Variants in KAT6B observed in about 807,000 individuals in gnomAD.
KAT6B encodes the protein lysine acetyltransferase 6B.
KAT6B carries 10 observed loss-of-function variants against 187.5 expected under a neutral mutation model. The observed-to-expected ratio is 0.05, with a 90% CI of 0.03 to 0.09. KAT6B has a LOEUF of 0.09. Among genes scored for constraint, KAT6B ranks in the 10% least tolerant of loss-of-function variants. The probability of loss-of-function intolerance (pLI) is 1.00; values close to 1 mark genes in which losing one functional copy is unlikely to be tolerated. For synonymous variants in KAT6B, 861 were observed against 926.8 expected, an observed-to-expected ratio of 0.93 and a Z score of 1.29; for missense variants, 1,952 against 2,558.9, an observed-to-expected ratio of 0.76 and a Z score of 5.12.
intron 3 of KAT6B, among the ~76,000 whole-genome samples, chr10:74,928,897 T>G (rs529849168): frequency 2.0e-5 from 3 of 152,172 alleles, no homozygotes; most frequent in African/African-American, 7.2e-5. Context: ...CCAAGAACCT[T>G]TGTTTTCTCT....
chr10:74,880,764 C>T (rs189338191), intron 3 of KAT6B, among the ~76,000 whole-genome samples: 7 of 151,610 alleles, frequency 4.6e-5, no homozygotes, highest in Admixed American at 2.6e-4. Context: ...TACAGGCGCA[C>T]GCCACCATGC....
At chr10:74,847,329 A>G (rs1010494037) in intron 3 of KAT6B, among the ~76,000 whole-genome samples, 4 of 152,238 alleles carry the variant, frequency 2.6e-5, no homozygotes, top group Admixed American at 6.5e-5. Context: ...AAATCAGTTT[A>G]AACAAAGTTG....
At chr10:75,011,337 A>G (rs1226913985) in intron 13 of KAT6B, among the ~76,000 whole-genome samples, 2 of 152,218 alleles carry the variant, frequency 1.3e-5, no homozygotes, top group African/African-American at 4.8e-5. Context: ...TGAACTGTGG[A>G]AAACTTAAAA....
intron 3 of KAT6B, among the ~76,000 whole-genome samples, chr10:74,890,798 A>G (rs1845596486): frequency 6.6e-6 from 1 of 152,236 alleles, no homozygotes; most frequent in Non-Finnish European, 1.5e-5. Context: ...TTTTTAAAAT[A>G]CAGTCACTTT....
intron 15 of KAT6B, 105 bp from the exon 16 acceptor site, chr10:75,021,776 T>C: frequency 8.5e-7 from 1 of 1,175,298 alleles, no homozygotes; most frequent in South Asian, 1.3e-5. Flanking sequence ...GCTGGCTGGC[T>C]GTCCTGATCA....
At chr10:74,845,902 C>T (rs754136842) in intron 3 of KAT6B, among the ~76,000 whole-genome samples, 6 of 150,034 alleles carry the variant, frequency 4.0e-5, no homozygotes, top group Non-Finnish European at 7.4e-5. Context: ...ATGGGCTGAT[C>T]TAAAAGGCTG....
chr10:74,907,547 G>A (rs1005436381), intron 3 of KAT6B, among the ~76,000 whole-genome samples: 1 of 151,406 alleles, frequency 6.6e-6, no homozygotes, highest in Non-Finnish European at 1.5e-5. Flanking sequence ...TTTTTCTGAG[G>A]CAGAGTTTCA....
At chr10:74,896,524 A>T (rs1846000839) in intron 3 of KAT6B, among the ~76,000 whole-genome samples, 1 of 152,142 alleles carries the variant, frequency 6.6e-6, no homozygotes, top group Non-Finnish European at 1.5e-5. Context: ...TCCTGACCTC[A>T]AGTGATCCAC....
At chr10:74,846,502 G>A (rs947058994) in intron 3 of KAT6B, among the ~76,000 whole-genome samples, 3 of 151,958 alleles carry the variant, frequency 2.0e-5, no homozygotes, top group African/African-American at 7.3e-5. Context: ...ACAGTGGCAT[G>A]ATCTTGGCTC....
chr10:74,967,119 G>A (rs1054354799), intron 4 of KAT6B, among the ~76,000 whole-genome samples: 2 of 152,108 alleles, frequency 1.3e-5, no homozygotes, highest in Non-Finnish European at 2.9e-5. Context: ...AAGGTCAGGA[G>A]ATCAAGACCA....
intron 2 of KAT6B, among the ~76,000 whole-genome samples, chr10:74,841,568 AAAAAAAAATTAAT>A (rs1413920760): frequency 1.3e-5 from 2 of 152,258 alleles, no homozygotes; most frequent in South Asian, 2.1e-4. Flanking sequence ...CTATCTCAAA[AAAAAAAAATTAAT>A]AAAAAAAATT....
intron 3 of KAT6B, among the ~76,000 whole-genome samples, chr10:74,892,489 G>A (rs1402319139): frequency 6.6e-6 from 1 of 152,128 alleles, no homozygotes; most frequent in Non-Finnish European, 1.5e-5. Flanking sequence ...CTTTACTTTT[G>A]TACATTTCGC....
At chr10:74,844,847 C>T (rs1841985492) in intron 3 of KAT6B, among the ~76,000 whole-genome samples, 1 of 152,188 alleles carries the variant, frequency 6.6e-6, no homozygotes, top group Non-Finnish European at 1.5e-5. Flanking sequence ...TATTCTCTGT[C>T]TTTTGGGTGA....
At chr10:74,877,069 G>A (rs1450071042) in intron 3 of KAT6B, among the ~76,000 whole-genome samples, 2 of 150,970 alleles carry the variant, frequency 1.3e-5, no homozygotes, top group East Asian at 2.0e-4. Context: ...CGGTTCAAGC[G>A]ATTCTCCTGC....
At chr10:74,944,597 C>G (rs1238217009) in intron 3 of KAT6B, among the ~76,000 whole-genome samples, 4 of 151,976 alleles carry the variant, frequency 2.6e-5, no homozygotes, top group African/African-American at 9.7e-5. Context: ...ATCACGAGGT[C>G]AAGAGATCGA....
chr10:74,856,932 T>G (rs1842862555), intron 3 of KAT6B, among the ~76,000 whole-genome samples: 1 of 151,898 alleles, frequency 6.6e-6, no homozygotes, highest in Non-Finnish European at 1.5e-5. Context: ...AAATACTGTA[T>G]GGGGGATGTT....
chr10:74,966,919 A>G (rs1841518797), intron 4 of KAT6B, among the ~76,000 whole-genome samples: 1 of 152,110 alleles, frequency 6.6e-6, no homozygotes, highest in Admixed American at 6.5e-5. Context: ...AGTCCCAGCT[A>G]CTCGAGAGGC....
At chr10:74,981,766 A>G (rs750086634) in intron 10 of KAT6B, 21 bp from the exon 11 acceptor site, 60 of 1,452,688 alleles carry the variant, frequency 4.1e-5, no homozygotes, top group Admixed American at 8.4e-5. Context: ...GATAGATTCT[A>G]TGATTTTTAA....
At chr10:74,830,348 C>T (rs1840657300) in intron 1 of KAT6B, among the ~76,000 whole-genome samples, 1 of 152,126 alleles carries the variant, frequency 6.6e-6, no homozygotes, top group African/African-American at 2.4e-5. Flanking sequence ...ATGAGCATTC[C>T]TATACCTGTC....
Sources: allele counts gnomAD v4.1 joint callset (sites outside exome capture counted in the v4.1 genomes callset), GRCh38; gene constraint gnomAD v4.1.1; transcripts MANE v1.5; gene names NCBI Gene and HGNC (gene_info 2026-07-23, HGNC 2026-07-21).